EDIL3: variants seen among roughly 807,000 people sequenced by gnomAD.
The protein encoded by EDIL3 is EGF like and discoidin domains 3.
EDIL3 carries 37 observed loss-of-function variants against 67.4 expected under a neutral mutation model. The observed-to-expected ratio is 0.55, with a 90% CI of 0.42 to 0.72. EDIL3 has a LOEUF of 0.72. EDIL3 is among the 30% of genes least tolerant of loss of function. EDIL3 has a pLI of 0.00. For missense variants in EDIL3, 527 were observed against 586.3 expected (o/e 0.90, Z 1.04); for synonymous variants, 195 against 196.3 (o/e 0.99, Z 0.05).
At chr5:84,000,679 A>T (rs1745316633) in intron 9 of EDIL3, among the ~76,000 whole-genome samples, 1 of 152,024 alleles carries the variant, frequency 6.6e-6, no homozygotes, top group African/African-American at 2.4e-5. Flanking sequence ...TAACCAGAAA[A>T]ATCCAAGGTG....
intron 4 of EDIL3, among the ~76,000 whole-genome samples, chr5:84,144,004 A>G (rs1337269448): frequency 6.6e-6 from 1 of 152,116 alleles, no homozygotes; most frequent in Non-Finnish European, 1.5e-5. Flanking sequence ...GATTCTATTA[A>G]GGAAAAATGA....
In EDIL3 at chr5:84,138,837, G is replaced by T. The variant is rs528668233; in HGVS notation, c.356-1483C>A. Among the ~76,000 whole-genome samples the T allele has an allele frequency of 5.2e-4, 79 of 152,182 alleles. 1 individual carries two copies. In the South Asian group the frequency reaches 0.016, roughly 30 times the overall value. The stretch of plus-strand genomic sequence containing the variant: ...TAGCTTAAGAACAGAGATAATTCAT[G>T]ACTGTGTTCAGAAAAAATAAAAATA... On this transcript the variant is annotated intron_variant, in intron 4 of 10. Coordinates refer to ENST00000296591, the MANE Select transcript of EDIL3 (RefSeq NM_005711.5).
chr5:84,171,604 G>A (rs116366071), intron 4 of EDIL3, among the ~76,000 whole-genome samples: 116 of 152,168 alleles, frequency 7.6e-4, no homozygotes, highest in African/African-American at 2.6e-3. Context: ...TTCCATTATC[G>A]TAAACAAAGT....
chr5:84,179,606 T>C (rs1748980237), intron 4 of EDIL3, among the ~76,000 whole-genome samples: 1 of 152,188 alleles, frequency 6.6e-6, no homozygotes, highest in Non-Finnish European at 1.5e-5. Flanking sequence ...AATACAGTAA[T>C]CATGGCTTGC....
chr5:84,022,316 C>G (rs192219644), intron 9 of EDIL3, among the ~76,000 whole-genome samples: 26 of 151,888 alleles, frequency 1.7e-4, no homozygotes, highest in African/African-American at 5.5e-4. Flanking sequence ...GGACAAAAAC[C>G]ATATGATAAT....
intron 10 of EDIL3, among the ~76,000 whole-genome samples, chr5:83,960,013 A>G (rs1744579852): frequency 6.6e-6 from 1 of 150,966 alleles, no homozygotes; most frequent in African/African-American, 2.4e-5. Context: ...CTTCTTCCCC[A>G]TAAAAGATTT....
chr5:84,021,206 A>G (rs75393919), intron 9 of EDIL3, among the ~76,000 whole-genome samples: 1,970 of 150,530 alleles, frequency 0.013, 38 homozygotes, highest in African/African-American at 0.036. Flanking sequence ...TTTTTTTTCA[A>G]TTTCCATTTT....
At position 84,319,276 on chromosome 5, in the gene EDIL3, C is replaced by T. The variant is rs1350103178; in HGVS notation, c.67+65032G>A. On this transcript the variant is annotated intron_variant, in intron 1 of 10. Coordinates refer to ENST00000296591, the MANE Select transcript of EDIL3 (RefSeq NM_005711.5). The stretch of plus-strand genomic sequence containing the variant: ...TCACGAGGTCAGGAGATCGAGACCA[C>T]GGTGAAACCCCGTCTCTACTAAAAA... Among the ~76,000 whole-genome samples the T allele has an allele frequency of 2.7e-4, 30 of 113,106 alleles. 8 individuals carry two copies. The highest frequency in any genetic ancestry group is 1.0e-3 in the South Asian group (3 of 2,978). 74.2% of individuals were successfully genotyped at this position (113,106 alleles called of 152,430 possible).
In EDIL3 at chr5:84,210,743, G is replaced by A. The variant is rs539046985; in HGVS notation, c.226+19112C>T. On this transcript the variant is annotated intron_variant, in intron 3 of 10. Coordinates refer to ENST00000296591, the MANE Select transcript of EDIL3 (RefSeq NM_005711.5). ...GCTGAGGTTTTGAAAATATCTACAG[G>A]CTGTATGTATGGTATCTATCCTTTT... Among the ~76,000 whole-genome samples the A allele has an allele frequency of 1.2e-3, 183 of 152,194 alleles. 2 individuals carry two copies. The highest frequency in any genetic ancestry group is 2.3e-3 in the Non-Finnish European group (154 of 68,010).
intron 1 of EDIL3, among the ~76,000 whole-genome samples, chr5:84,303,102 T>C (rs906592600): frequency 2.6e-5 from 4 of 152,228 alleles, no homozygotes; most frequent in East Asian, 1.9e-4. Context: ...AGTGGATCTG[T>C]ACACTTGTCC....
At chr5:84,307,748 A>G (rs556349910) in intron 1 of EDIL3, among the ~76,000 whole-genome samples, 8 of 152,206 alleles carry the variant, frequency 5.3e-5, no homozygotes, top group Non-Finnish European at 1.2e-4. Flanking sequence ...AGAGAGATAT[A>G]AAAAATACAG....
intron 6 of EDIL3, among the ~76,000 whole-genome samples, chr5:84,090,835 C>G (rs1220606807): frequency 2.0e-5 from 3 of 151,678 alleles, no homozygotes; most frequent in African/African-American, 4.8e-5. Flanking sequence ...GTAGTCCCAG[C>G]TACTTGGGAA....
At chr5:84,012,560 T>C (rs1658379649) in intron 9 of EDIL3, among the ~76,000 whole-genome samples, 1 of 152,074 alleles carries the variant, frequency 6.6e-6, no homozygotes. Context: ...AGAAAAAGGG[T>C]CCAGTAGCAT....
intron 2 of EDIL3, among the ~76,000 whole-genome samples, chr5:84,242,864 C>T (rs1744827063): frequency 6.6e-6 from 1 of 151,196 alleles, no homozygotes; most frequent in Non-Finnish European, 1.5e-5. Context: ...AAGTAACCCT[C>T]CCCATATGTG....
intron 5 of EDIL3, among the ~76,000 whole-genome samples, chr5:84,107,862 G>C (rs1310580033): frequency 6.6e-6 from 1 of 150,696 alleles, no homozygotes; most frequent in Non-Finnish European, 1.5e-5. Context: ...GTAGGGATAT[G>C]ATATAAGGAA....
At chr5:84,280,773 T>C (rs935565491) in intron 1 of EDIL3, among the ~76,000 whole-genome samples, 1 of 151,484 alleles carries the variant, frequency 6.6e-6, no homozygotes, top group Non-Finnish European at 1.5e-5. Context: ...TGAGACTCTA[T>C]CTCTACAAAA....
At chr5:84,368,168 T>C (rs1278153903) in intron 1 of EDIL3, among the ~76,000 whole-genome samples, 5 of 152,146 alleles carry the variant, frequency 3.3e-5, no homozygotes, top group Non-Finnish European at 7.3e-5. Context: ...ATATGAAATC[T>C]TGAAAAAGAA....
At chr5:83,979,594 A>G (rs909189187) in intron 9 of EDIL3, among the ~76,000 whole-genome samples, 8 of 152,192 alleles carry the variant, frequency 5.3e-5, no homozygotes, top group African/African-American at 1.9e-4. Context: ...TCAAAAATAT[A>G]TTATTGAACA....
At chr5:84,106,532 C>G in intron 6 of EDIL3, 117 bp downstream of exon 6, 1 of 1,266,784 alleles carries the variant, frequency 7.9e-7, no homozygotes, top group Non-Finnish European at 1.1e-6. Flanking sequence ...CTAAATTACC[C>G]TTTCCTCTGA....
Sources: gnomAD v4.1 joint callset for allele counts (sites outside exome capture counted in the v4.1 genomes callset) on GRCh38, gnomAD v4.1.1 for gene constraint, MANE v1.5 for transcripts, NCBI Gene and HGNC (gene_info 2026-07-23, HGNC 2026-07-21) for gene names.